MTRES1: variants seen among roughly 807,000 people sequenced by gnomAD.
MTRES1 encodes mitochondrial transcription rescue factor 1.
Under a neutral mutation model 17.4 loss-of-function variants are expected in MTRES1, and 11 were observed. The observed-to-expected ratio is 0.63, with a 90% CI of 0.40 to 1.05. MTRES1 has a LOEUF of 1.05. Ranked by LOEUF, MTRES1 falls within the 50% of genes least tolerant of loss-of-function variation. The pLI, the probability that MTRES1 is intolerant of heterozygous loss-of-function variation, is 0.00. For synonymous variants in MTRES1, 94 were observed against 99.6 expected (o/e 0.94, Z 0.34); for missense variants, 268 against 276.2 (o/e 0.97, Z 0.21).
In MTRES1 at chr6:107,039,809, G is replaced by A. The variant is rs961751853; in HGVS notation, c.49G>A (p.Asp17Asn). 1 of 1,612,292 alleles carries A rather than the reference G, an allele frequency of 6.2e-7. No homozygotes were observed. Among genetic ancestry groups the A allele is most frequent in the Admixed American group, 1.7e-5 (1 of 59,554 alleles). Reference protein sequence around the residue: ...KLLAGVLRKPDAWIGLWGVLR... With the variant: ...KLLAGVLRKPNAWIGLWGVLR... ...GCTTGCCGGTGTTTTAAGAAAGCCA[G>A]ATGCCTGGATTGGACTCTGGGGTGT... Residue 17 changes from aspartate to asparagine, a missense_variant, in exon 2 of 4, where the codon GAT (aspartate) becomes AAT (asparagine). Asp to Asn is a conservative substitution (Grantham distance 23). Transcript: ENST00000311381.
At chr6:107,044,595 A>G (rs1236189523) in intron 3 of MTRES1, among the ~76,000 whole-genome samples, 1 of 152,218 alleles carries the variant, frequency 6.6e-6, no homozygotes, top group African/African-American at 2.4e-5. Context: ...GCAGAAATCC[A>G]TTAATTAAAC....
intron 2 of MTRES1, among the ~76,000 whole-genome samples, chr6:107,043,085 AC>A (rs1395439238): frequency 1.3e-5 from 2 of 152,086 alleles, no homozygotes; most frequent in African/African-American, 4.8e-5. Flanking sequence ...TAATCCCAGC[AC>A]TTTGGGAGGC....
chr6:107,044,193 T>C, intron 2 of MTRES1, 67 bp from the exon 3 acceptor site: 1 of 1,099,084 alleles, frequency 9.1e-7, no homozygotes, highest in Non-Finnish European at 1.4e-6. Flanking sequence ...TGTATAGTGA[T>C]GAAGTCTGGG....
chr6:107,041,620 G>C (rs62429964), intron 2 of MTRES1, among the ~76,000 whole-genome samples: 15,269 of 152,116 alleles, frequency 0.1, 1,029 homozygotes, highest in East Asian at 0.36. Context: ...CCGCCTCCCG[G>C]GTTCACGCCA....
intron 3 of MTRES1, among the ~76,000 whole-genome samples, chr6:107,047,372 C>T (rs1482892725): frequency 6.6e-6 from 1 of 151,634 alleles, no homozygotes; most frequent in Non-Finnish European, 1.5e-5. Context: ...ACAGGCACAC[C>T]ACCACGTCTG....
intron 2 of MTRES1, 61 bp from the exon 3 acceptor site, chr6:107,044,199 C>A: frequency 1.7e-6 from 2 of 1,172,158 alleles, no homozygotes; most frequent in African/African-American, 1.5e-5. Context: ...GTGATGAAGT[C>A]TGGGCTTGAG....
At chr6:107,036,911 A>C (rs1774030731) in intron 1 of MTRES1, among the ~76,000 whole-genome samples, 1 of 151,206 alleles carries the variant, frequency 6.6e-6, no homozygotes, top group African/African-American at 2.4e-5. Flanking sequence ...TTTTGGCATG[A>C]AATCTTTCTT....
chr6:107,032,775 C>T (rs1442526778), intron 1 of MTRES1, among the ~76,000 whole-genome samples: 1 of 152,168 alleles, frequency 6.6e-6, no homozygotes, highest in Non-Finnish European at 1.5e-5. Flanking sequence ...AGAAAAATAA[C>T]AGCATGCCAA....
chr6:107,043,863 T>G (rs77104908), intron 2 of MTRES1, among the ~76,000 whole-genome samples: 3 of 152,196 alleles, frequency 2.0e-5, no homozygotes, highest in Non-Finnish European at 4.4e-5. Flanking sequence ...ACGCGGTGGT[T>G]CACGCCTGTA....
intron 1 of MTRES1, among the ~76,000 whole-genome samples, chr6:107,029,742 C>CGA (rs1773770930): frequency 2.0e-5 from 3 of 152,004 alleles, no homozygotes; most frequent in African/African-American, 7.3e-5. Flanking sequence ...CCTCAGCCTC[C>CGA]CCAAGTACTG....
Position 107,030,601 on chromosome 6 carries a change from G to T in MTRES1, c.-13+2330G>T, listed in dbSNP as rs139187696. 4.7e-3 allele frequency among the ~76,000 whole-genome samples: 721 copies of T among 152,278 alleles called. 6 individuals are homozygous for T. Among genetic ancestry groups the T allele is most frequent in the African/African-American group, 0.017 (691 of 41,556 alleles). ...TGACAAGACGTGAGAGATCTATCAG[G>T]AAAGCTTGTAGAGCTCATTTTTCCA... On this transcript the variant is annotated intron_variant, in intron 1 of 3. Coordinates refer to ENST00000311381, the MANE Select transcript of MTRES1 (RefSeq NM_016487.5).
intron 3 of MTRES1, 33 bp from the exon 4 acceptor site, chr6:107,051,024 G>A: frequency 1.3e-6 from 2 of 1,549,570 alleles, no homozygotes; most frequent in Non-Finnish European, 1.8e-6. Context: ...TTCCCGAAGT[G>A]TAACCAAGCC....
chr6:107,037,858 A>G (rs1774063229), intron 1 of MTRES1, among the ~76,000 whole-genome samples: 1 of 152,040 alleles, frequency 6.6e-6, no homozygotes, highest in South Asian at 2.1e-4. Context: ...AGCTGGGATT[A>G]TAGGCGTATG....
At chr6:107,048,397 T>C (rs912966548) in intron 3 of MTRES1, among the ~76,000 whole-genome samples, 5 of 151,928 alleles carry the variant, frequency 3.3e-5, no homozygotes, top group African/African-American at 1.2e-4. Flanking sequence ...CCCAAAGTGC[T>C]GGGATTACAG....
intron 1 of MTRES1, among the ~76,000 whole-genome samples, chr6:107,031,253 G>A (rs1005921008): frequency 1.4e-4 from 22 of 151,778 alleles, no homozygotes; most frequent in Non-Finnish European, 2.4e-4. Flanking sequence ...GGTGGTGGGC[G>A]CCTGTAATCC....
In MTRES1 at chr6:107,042,054, A is replaced by G. The variant is rs183157632; in HGVS notation, c.470+1824A>G. 3.7e-4 allele frequency among the ~76,000 whole-genome samples: 56 copies of G among 151,828 alleles called. No homozygotes were observed. In the East Asian group the frequency reaches 9.6e-3, roughly 26 times the overall value. ...ATCCCTGAAGCTTAAGAGATTCATAAAAAGGGCCGGGTGTGGTGGCTCACG... is the reference window on the plus strand; with the variant it reads ...ATCCCTGAAGCTTAAGAGATTCATAGAAAGGGCCGGGTGTGGTGGCTCACG... On this transcript the variant is annotated intron_variant, in intron 2 of 3. Coordinates refer to ENST00000311381, the MANE Select transcript of MTRES1 (RefSeq NM_016487.5).
At chr6:107,044,992 C>A (rs1774342534) in intron 3 of MTRES1, among the ~76,000 whole-genome samples, 1 of 151,738 alleles carries the variant, frequency 6.6e-6, no homozygotes, top group African/African-American at 2.4e-5. Context: ...AGTTGAAGAC[C>A]AGCCTGGGCA....
At chr6:107,030,628 TAAA>T (rs1316593917) in intron 1 of MTRES1, among the ~76,000 whole-genome samples, 1 of 151,996 alleles carries the variant, frequency 6.6e-6, no homozygotes, top group East Asian at 1.9e-4. Flanking sequence ...ATTTTTCCAA[TAAA>T]AAGTCACATA....
intron 1 of MTRES1, among the ~76,000 whole-genome samples, chr6:107,031,934 A>G (rs1223585340): frequency 2.0e-5 from 3 of 152,070 alleles, no homozygotes; most frequent in African/African-American, 4.8e-5. Flanking sequence ...CAGCCACAGG[A>G]GAGACAGGAA....
Sources: gnomAD v4.1 joint callset for allele counts (sites outside exome capture counted in the v4.1 genomes callset) on GRCh38, gnomAD v4.1.1 for gene constraint, MANE v1.5 for transcripts, NCBI Gene and HGNC (gene_info 2026-07-23, HGNC 2026-07-21) for gene names.